ZC3H12B: variants seen among roughly 807,000 people sequenced by gnomAD.
The protein encoded by ZC3H12B is zinc finger CCCH-type containing 12B.
In ZC3H12B, 7 loss-of-function variants were observed where a neutral mutation model predicts 43.9. The ratio of observed to expected loss-of-function variants is 0.16; its 90% CI spans 0.09 to 0.30. The LOEUF (loss-of-function observed/expected upper bound fraction) is 0.30, where lower values mean the gene tolerates loss of function less well. Ranked by LOEUF, ZC3H12B falls within the 10% of genes least tolerant of loss-of-function variation. The pLI, the probability that ZC3H12B is intolerant of heterozygous loss-of-function variation, is 1.00. For missense variants in ZC3H12B, 475 were observed against 670.2 expected (o/e 0.71, Z 3.22); for synonymous variants, 222 against 241.7 (o/e 0.92, Z 0.76).
At chrX:65,414,060 C>A (rs757665271) in intron 3 of ZC3H12B, among the ~76,000 whole-genome samples, 1 of 111,531 alleles carries the variant, frequency 9.0e-6, no homozygotes, top group African/African-American at 3.2e-5. Flanking sequence ...TTGTTTTATT[C>A]TTTTTCAGAT....
At chrX:65,129,445 G>A in the ZC3H12B span, among the ~76,000 whole-genome samples, 1 of 109,320 alleles carries the variant, frequency 9.1e-6, no homozygotes, top group African/African-American at 3.3e-5. Context: ...TAGGATTTGG[G>A]TAGGTAATGG....
chrX:65,224,598 G>T, the ZC3H12B span, among the ~76,000 whole-genome samples: 1 of 112,563 alleles, frequency 8.9e-6, no homozygotes, highest in African/African-American at 3.2e-5. Flanking sequence ...AGCACAAGGG[G>T]TCGGGGAGTT....
chrX:65,212,944 A>C, the ZC3H12B span, among the ~76,000 whole-genome samples: 194 of 107,067 alleles, frequency 1.8e-3, no homozygotes, highest in Non-Finnish European at 2.9e-3. Flanking sequence ...TTCTTAGTTC[A>C]TGGCACTTAC....
chrX:65,057,545 C>G, the ZC3H12B span, among the ~76,000 whole-genome samples: 1 of 111,470 alleles, frequency 9.0e-6, no homozygotes, highest in Admixed American at 9.5e-5. Context: ...TTTGGTGAAT[C>G]TGACAATTAT....
intron 3 of ZC3H12B, among the ~76,000 whole-genome samples, chrX:65,422,543 T>A (rs1477991293): frequency 8.9e-6 from 1 of 111,880 alleles, no homozygotes; most frequent in South Asian, 3.7e-4. Context: ...GTTTTATTTT[T>A]TTTTTTATTA....
the ZC3H12B span, among the ~76,000 whole-genome samples, chrX:65,199,839 C>T: frequency 9.4e-6 from 1 of 106,061 alleles, no homozygotes; most frequent in Non-Finnish European, 1.9e-5. Context: ...TTTGCTTTAT[C>T]CAATCTATCA....
chrX:65,504,943 T>C (rs949477396), exon 5 of ZC3H12B: 2 of 112,624 alleles, frequency 1.8e-5, no homozygotes, highest in African/African-American at 3.2e-5. Context: ...TTTAAATCCA[T>C]GCAAAGAGTG....
chrX:65,454,322 A>C (rs2148158336), intron 3 of ZC3H12B, among the ~76,000 whole-genome samples: 1 of 112,597 alleles, frequency 8.9e-6, no homozygotes, highest in African/African-American at 3.2e-5. Flanking sequence ...AGAGCACACC[A>C]GGAGATTATA....
chrX:65,126,648 C>T, the ZC3H12B span, among the ~76,000 whole-genome samples: 1 of 107,619 alleles, frequency 9.3e-6, no homozygotes, highest in South Asian at 4.0e-4. Flanking sequence ...GAACGTTTAA[C>T]ATAGTCCAAA....
the ZC3H12B span, among the ~76,000 whole-genome samples, chrX:65,160,129 G>T: frequency 8.9e-6 from 1 of 111,778 alleles, no homozygotes; most frequent in African/African-American, 3.3e-5. Context: ...GATCATGGTG[G>T]ATAAGGTTTT....
chrX:65,094,570 G>A, the ZC3H12B span, among the ~76,000 whole-genome samples: 1 of 111,562 alleles, frequency 9.0e-6, no homozygotes, highest in East Asian at 2.8e-4. Context: ...TTTAAAAAAT[G>A]TTTTGATATT....
chrX:65,207,405 T>A, the ZC3H12B span, among the ~76,000 whole-genome samples: 1 of 110,365 alleles, frequency 9.1e-6, no homozygotes, highest in Admixed American at 9.7e-5. Context: ...ACATCATATG[T>A]TCTCAGTGAT....
the ZC3H12B span, among the ~76,000 whole-genome samples, chrX:65,263,277 A>G: frequency 1.8e-5 from 2 of 111,152 alleles, no homozygotes; most frequent in Non-Finnish European, 3.8e-5. Flanking sequence ...ATACATTGTG[A>G]TAGGGCTTTG....
chrX:65,500,032 C>A, intron 4 of ZC3H12B, 43 bp downstream of exon 9: 1 of 994,312 alleles, frequency 1.0e-6, no homozygotes, highest in Non-Finnish European at 1.4e-6. Flanking sequence ...CCACCGGAAA[C>A]ATAAGGATTC....
chrX:65,036,136 T>C, the ZC3H12B span, among the ~76,000 whole-genome samples: 13 of 111,859 alleles, frequency 1.2e-4, no homozygotes, highest in African/African-American at 4.2e-4. Context: ...GGTGATTAGA[T>C]GAGGTTCTAA....
At chrX:65,285,919 A>G in the ZC3H12B span, among the ~76,000 whole-genome samples, 1 of 111,826 alleles carries the variant, frequency 8.9e-6, no homozygotes, top group Non-Finnish European at 1.9e-5. Context: ...ATGACAGAAT[A>G]AAGCCTCACA....
intron 2 of ZC3H12B, among the ~76,000 whole-genome samples, chrX:65,394,548 T>A (rs2066670246): frequency 8.9e-6 from 1 of 111,945 alleles, no homozygotes; most frequent in African/African-American, 3.2e-5. Context: ...TGTGTCCGGT[T>A]CCATTGGTCT....
intron 3 of ZC3H12B, among the ~76,000 whole-genome samples, chrX:65,480,508 A>G (rs1421639722): frequency 8.9e-6 from 1 of 112,279 alleles, no homozygotes; most frequent in African/African-American, 3.2e-5. Flanking sequence ...TTTTGATCAG[A>G]TGAACTTCAC....
At chrX:65,437,124 T>C (rs890556330) in intron 3 of ZC3H12B, among the ~76,000 whole-genome samples, 8 of 110,299 alleles carry the variant, frequency 7.3e-5, no homozygotes, top group Admixed American at 6.8e-4. Flanking sequence ...AGCTAATTTT[T>C]GTATTTTTAG....
Sources: allele counts gnomAD v4.1 joint callset (sites outside exome capture counted in the v4.1 genomes callset), GRCh38; gene constraint gnomAD v4.1.1; transcripts MANE v1.5; gene names NCBI Gene and HGNC (gene_info 2026-07-23, HGNC 2026-07-21).